The following PAK5 variants were observed in gnomAD, a reference collection of about 807,000 sequenced individuals.
The protein encoded by PAK5 is serine/threonine-protein kinase PAK 5.
A neutral mutation model predicts 65.9 loss-of-function variants in PAK5; 16 were observed. The observed-to-expected ratio is 0.24, with a 90% CI of 0.16 to 0.37. The LOEUF is 0.37. Among genes scored for constraint, PAK5 ranks in the 10% least tolerant of loss-of-function variants. The pLI is 1.00. For synonymous variants in PAK5, 371 were observed against 354.9 expected, an observed-to-expected ratio of 1.05 and a Z score of -0.51; for missense variants, 785 against 903.9, an observed-to-expected ratio of 0.87 and a Z score of 1.69.
chr20:9,631,458 CTG>C (rs1219841630), intron 3 of PAK5, among the ~76,000 whole-genome samples: 1 of 152,178 alleles, frequency 6.6e-6, no homozygotes, highest in African/African-American at 2.4e-5. Flanking sequence ...AAGAAGCAAG[CTG>C]TCACGCATTC....
At chr20:9,797,975 C>A (rs974095698) in intron 1 of PAK5, among the ~76,000 whole-genome samples, 3 of 152,074 alleles carry the variant, frequency 2.0e-5, no homozygotes, top group African/African-American at 4.8e-5. Flanking sequence ...AGTACCCCAA[C>A]CTGTAGAGAC....
At chr20:9,827,854 C>T (rs1016482447) in intron 1 of PAK5, among the ~76,000 whole-genome samples, 2 of 152,154 alleles carry the variant, frequency 1.3e-5, no homozygotes, top group Non-Finnish European at 2.9e-5. Flanking sequence ...TATTTAGAGA[C>T]AGAGTCTTGC....
intron 4 of PAK5, among the ~76,000 whole-genome samples, chr20:9,569,094 G>A (rs1048432352): frequency 6.6e-6 from 1 of 152,218 alleles, no homozygotes; most frequent in African/African-American, 2.4e-5. Flanking sequence ...TACAGAAACT[G>A]TGAAATAGTA....
intron 1 of PAK5, among the ~76,000 whole-genome samples, chr20:9,756,602 A>G (rs894118103): frequency 6.6e-6 from 1 of 152,166 alleles, no homozygotes; most frequent in African/African-American, 2.4e-5. Flanking sequence ...ACTCATTAAC[A>G]CTTTTTACGT....
chr20:9,637,907 CA>C (rs1382682351), intron 3 of PAK5, among the ~76,000 whole-genome samples: 1 of 152,074 alleles, frequency 6.6e-6, no homozygotes, highest in Non-Finnish European at 1.5e-5. Flanking sequence ...TTAGCATTTT[CA>C]AATGATTTCT....
intron 2 of PAK5, among the ~76,000 whole-genome samples, chr20:9,668,783 T>G (rs1215581130): frequency 6.6e-6 from 1 of 152,232 alleles, no homozygotes. Context: ...TTTATTAAGA[T>G]GCTTTCAGTT....
At chr20:9,722,997 G>T (rs894276470) in intron 1 of PAK5, among the ~76,000 whole-genome samples, 5 of 152,114 alleles carry the variant, frequency 3.3e-5, no homozygotes, top group African/African-American at 1.2e-4. Flanking sequence ...CTCCCAAAGT[G>T]CTGGGATTAC....
Position 9,810,673 on chromosome 20 carries a change from A to T in PAK5, c.-162+28089T>A, listed in dbSNP as rs982883428. 3.9e-5 allele frequency among the ~76,000 whole-genome samples: 6 copies of T among 152,344 alleles called. No individual in the cohort carries two copies. In the South Asian group the frequency reaches 1.2e-3, roughly 32 times the overall value. ...TAATACTTTGACCAGTAGCTGTTAAAATTGTCTAATTGCAAAATGTACCTA... is the reference window on the plus strand; with the variant it reads ...TAATACTTTGACCAGTAGCTGTTAATATTGTCTAATTGCAAAATGTACCTA... On this transcript the variant is annotated intron_variant, in intron 1 of 9. Transcript: ENST00000353224.
chr20:9,573,097 TC>T (rs1425070817), intron 4 of PAK5, among the ~76,000 whole-genome samples: 1 of 141,314 alleles, frequency 7.1e-6, no homozygotes, highest in Non-Finnish European at 1.5e-5. Context: ...TGTGATTTCC[TC>T]TTTTTTTTTT....
At position 9,622,071 on chromosome 20, in the gene PAK5, T is replaced by A. The variant is rs76765699; in HGVS notation, c.204+22054A>T. On this transcript the variant is annotated intron_variant, in intron 3 of 9. Transcript: ENST00000353224. Reference sequence around the variant, plus strand: ...GGTTCTGCTTCTAGCAAGCCCAGCCTGAAAGGAAAGGACTGGGAAACCTAT... The same window carrying A: ...GGTTCTGCTTCTAGCAAGCCCAGCCAGAAAGGAAAGGACTGGGAAACCTAT... 8.9e-3 allele frequency among the ~76,000 whole-genome samples: 1,362 copies of A among 152,306 alleles called. 15 individuals are homozygous for A. The highest frequency in any genetic ancestry group is 0.025 in the African/African-American group (1,058 of 41,578).
chr20:9,556,691 T>TG (rs1470780255), intron 7 of PAK5, among the ~76,000 whole-genome samples: 2 of 152,182 alleles, frequency 1.3e-5, no homozygotes, highest in African/African-American at 2.4e-5. Context: ...TGTGCCCTGG[T>TG]GTGGCTGATG....
chr20:9,665,662 C>CT (rs113553567), intron 2 of PAK5, among the ~76,000 whole-genome samples: 29,449 of 143,980 alleles, frequency 0.2, 3,619 homozygotes, highest in South Asian at 0.46. Context: ...CTTTTCTTTT[C>CT]TTTTTTTTTT....
At chr20:9,583,140 A>G (rs908521387) in intron 3 of PAK5, among the ~76,000 whole-genome samples, 3 of 152,180 alleles carry the variant, frequency 2.0e-5, no homozygotes, top group South Asian at 2.1e-4. Flanking sequence ...GCTCCGAAAT[A>G]ATATGTTTGT....
rs546577370 is a variant in PAK5 at position 9,836,214 on chromosome 20, A to T, written c.-162+2548T>A. Among the ~76,000 whole-genome samples, 7 of 152,288 alleles carry T rather than the reference A, an allele frequency of 4.6e-5. No individual in the cohort carries two copies. In the South Asian group the frequency reaches 1.5e-3, roughly 32 times the overall value. On this transcript the variant is annotated intron_variant, in intron 1 of 9. Transcript: ENST00000353224. ...AACATAATGTTAATGTTGTCATCAA[A>T]CACAGTTCATAGGGATGTTGGTGTA...
chr20:9,684,445 A>G (rs764657940), intron 2 of PAK5, among the ~76,000 whole-genome samples: 1 of 152,240 alleles, frequency 6.6e-6, no homozygotes, highest in Non-Finnish European at 1.5e-5. Context: ...TCAAGCCATG[A>G]AAGACTTCAA....
intron 3 of PAK5, among the ~76,000 whole-genome samples, chr20:9,627,999 C>A (rs1798392694): frequency 6.6e-6 from 1 of 152,220 alleles, no homozygotes; most frequent in African/African-American, 2.4e-5. Context: ...TAAATTATTC[C>A]AAATGGTATT....
intron 1 of PAK5, among the ~76,000 whole-genome samples, chr20:9,752,477 A>G (rs543501993): frequency 6.6e-6 from 1 of 152,264 alleles, no homozygotes; most frequent in South Asian, 2.1e-4. Flanking sequence ...GTGGTCTACC[A>G]GGGGAGAGAT....
At chr20:9,654,778 C>T (rs1187913154) in intron 2 of PAK5, among the ~76,000 whole-genome samples, 1 of 152,072 alleles carries the variant, frequency 6.6e-6, no homozygotes, top group African/African-American at 2.4e-5. Context: ...TTAGTCACTC[C>T]CATTACCTTA....
At chr20:9,562,055 C>G (rs2045599009) in intron 6 of PAK5, among the ~76,000 whole-genome samples, 1 of 152,184 alleles carries the variant, frequency 6.6e-6, no homozygotes, top group Non-Finnish European at 1.5e-5. Flanking sequence ...CTTCAATGCC[C>G]TTTTCCTCCT....
Sources: gnomAD v4.1 joint callset for allele counts (sites outside exome capture counted in the v4.1 genomes callset) on GRCh38, gnomAD v4.1.1 for gene constraint, MANE v1.5 for transcripts, NCBI Gene and HGNC (gene_info 2026-07-23, HGNC 2026-07-21) for gene names.